Variants in HOMER3 observed in about 807,000 individuals in gnomAD.
HOMER3 encodes the protein homer protein homolog 3.
In HOMER3, 34 loss-of-function variants were observed where a neutral mutation model predicts 45.5. That is an observed-to-expected ratio of 0.75 (90% confidence interval 0.57 to 1.00). The LOEUF (loss-of-function observed/expected upper bound fraction) is 1.00. Among genes scored for constraint, HOMER3 ranks in the 50% least tolerant of loss-of-function variants. The pLI is 0.00. For synonymous variants in HOMER3, 223 were observed against 208.8 expected (o/e 1.07, Z -0.58); for missense variants, 480 against 497.5 (o/e 0.96, Z 0.33).
At position 18,941,106 on chromosome 19, in the gene HOMER3, G is replaced by A. The variant is rs892697944; in HGVS notation, c.-123C>T. 6.6e-6 allele frequency: 1 copy of A among 150,470 alleles called. No individual in the cohort carries two copies. The highest frequency in any genetic ancestry group is 1.5e-5 in the Non-Finnish European group (1 of 67,324). The allele number at this position is 150,470 out of a possible 1,614,324, so 9.3% of individuals were successfully genotyped here. ...GGCGCGAGTCGGGTGCGGCCCCCGC[G>A]GCGCTGACTCCGCGCTGCCGGGCGC... On this transcript the variant is annotated 5_prime_UTR_variant, in exon 1 of 10. Transcript: ENST00000392351.
chr19:18,936,232 G>A (rs2057090727), intron 4 of HOMER3, among the ~76,000 whole-genome samples: 1 of 150,786 alleles, frequency 6.6e-6, no homozygotes, highest in Non-Finnish European at 1.5e-5. Context: ...AGAATTGCTT[G>A]AACCGGGGAG....
At chr19:18,935,584 T>C (rs952872766) in intron 4 of HOMER3, among the ~76,000 whole-genome samples, 4 of 152,222 alleles carry the variant, frequency 2.6e-5, no homozygotes, top group African/African-American at 9.6e-5. Context: ...AGTAATCATC[T>C]CATTCTTGTT....
At chr19:18,937,343 GA>G (rs946110211) in intron 4 of HOMER3, among the ~76,000 whole-genome samples, 28 of 129,354 alleles carry the variant, frequency 2.2e-4, no homozygotes, top group Middle Eastern at 4.0e-3. Context: ...GGGAGGGAGG[GA>G]AAAAAAAAGA....
intron 7 of HOMER3, 90 bp downstream of exon 7, chr19:18,931,886 T>G: frequency 7.0e-7 from 1 of 1,437,322 alleles, no homozygotes; most frequent in Non-Finnish European, 9.1e-7. Flanking sequence ...AGCTAGTCCA[T>G]GAACCCAGGG....
intron 4 of HOMER3, among the ~76,000 whole-genome samples, chr19:18,937,044 G>C (rs2057100939): frequency 6.6e-6 from 1 of 150,412 alleles, no homozygotes; most frequent in African/African-American, 2.5e-5. Flanking sequence ...AGTGGCTCAA[G>C]CCTGTAATCC....
chr19:18,932,265 G>A, intron 6 of HOMER3, 133 bp from the exon 7 acceptor site: 3 of 943,358 alleles, frequency 3.2e-6, no homozygotes, highest in South Asian at 3.9e-5. Context: ...GCGAGGGTGC[G>A]GAGTCGTGCG....
chr19:18,932,007 T>G lies in HOMER3; in HGVS notation c.659A>C (p.Gln220Pro). Residue 220 changes from glutamine (Q) to proline (P), a missense_variant, in exon 7 of 10, where the codon CAG becomes CCG. Coordinates refer to ENST00000392351, the MANE Select transcript of HOMER3 (RefSeq NM_004838.4). ...AAQWRQQLEA[Q>P]RAEAERLRQR... is the part of the protein sequence containing the mutation. ...CCGCAGCCGCTCGGCCTCTGCACGCTGAGCCTCCAGCTGCTGCCTCCACTG... is the reference window on the plus strand; with the variant it reads ...CCGCAGCCGCTCGGCCTCTGCACGCGGAGCCTCCAGCTGCTGCCTCCACTG... The G allele has an allele frequency of 6.5e-7, 1 of 1,546,596 alleles. No homozygotes were observed. The highest frequency in any genetic ancestry group is 8.7e-7 in the Non-Finnish European group (1 of 1,146,106).
At chr19:18,938,594 T>C (rs2057119781) in intron 3 of HOMER3, 110 bp from the exon 4 acceptor site, 1 of 1,506,178 alleles carries the variant, frequency 6.6e-7, no homozygotes, top group Non-Finnish European at 9.1e-7. Flanking sequence ...TCTGAACCCT[T>C]TCAGGAGATA....
At chr19:18,931,004 T>C (rs1358629599) in intron 9 of HOMER3, among the ~76,000 whole-genome samples, 1 of 151,882 alleles carries the variant, frequency 6.6e-6, no homozygotes, top group Non-Finnish European at 1.5e-5. Flanking sequence ...CGAGACTCCA[T>C]CTCAAAGAAT....
chr19:18,938,319 C>A, intron 4 of HOMER3, 34 bp downstream of exon 4: 1 of 1,585,252 alleles, frequency 6.3e-7, no homozygotes, highest in South Asian at 1.1e-5. Flanking sequence ...CCAGTCTCAT[C>A]GGTTCCCTCC....
In HOMER3 at chr19:18,931,393, T is replaced by C; in HGVS notation, c.826A>G (p.Ser276Gly). The change falls in exon 9 of 10, where the codon AGT becomes GGT. Residue 276 changes from serine (S) to glycine (G), a missense_variant. Ser to Gly is a moderately conservative substitution (Grantham distance 56). Transcript: ENST00000392351. The part of the protein sequence containing the change: ...TKDQEIQTLK[S>G]QTGGPREALE... ...GCCTCGCGGGGCCCCCCAGTCTGAC[T>C]CTTCAGGGTCTGAATCTCCTAGAGG... 6.2e-7 allele frequency: 1 copy of C among 1,614,162 alleles called. No individual in the cohort carries two copies. Among genetic ancestry groups the C allele is most frequent in the Non-Finnish European group, 8.5e-7 (1 of 1,180,004 alleles).
At chr19:18,940,111 C>G (rs1056905333) in intron 1 of HOMER3, 1 of 152,522 alleles carries the variant, frequency 6.6e-6, no homozygotes, top group Non-Finnish European at 1.5e-5. Context: ...GGGGGGATGC[C>G]CCCCCTATCC....
intron 9 of HOMER3, 88 bp downstream of exon 9, chr19:18,931,237 C>CT: frequency 1.6e-6 from 2 of 1,213,176 alleles, no homozygotes; most frequent in Non-Finnish European, 2.4e-6. Flanking sequence ...CCTCCCAATA[C>CT]TTTATCATCT....
At position 18,938,428 on chromosome 19, in the gene HOMER3, C is replaced by T; in HGVS notation, c.228G>A (p.Lys76=). ...CGCGACTGTCGGCCCACTGCCCGAA[C>T]TTCTGGGAAGTTTTGGTGAAGGTCA... is the stretch of plus-strand genomic sequence containing the variant. The part of the protein sequence containing the change: ...PNMTFTKTSQ[K]FGQWADSRAN... The change falls in exon 4 of 10, where the codon AAG becomes AAA. Residue 76 remains lysine (K), a synonymous_variant. Coordinates refer to ENST00000392351, the MANE Select transcript of HOMER3 (RefSeq NM_004838.4). 1 of 1,614,174 alleles carries T rather than the reference C, an allele frequency of 6.2e-7. No individual in the cohort carries two copies. Among genetic ancestry groups the T allele is most frequent in the Admixed American group, 1.7e-5 (1 of 60,018 alleles).
In HOMER3 at chr19:18,929,529, G is replaced by T; in HGVS notation, c.1000C>A (p.Arg334=). The stretch of plus-strand genomic sequence containing the variant: ...CTGACGTCCAGCAGCTGCGCTGCCC[G>T]GCCCACCTCAGCCCGCGCCCGCTCC... ...ERERARAEVG[R]AAQLLDVSLF... The change falls in exon 10 of 10, where the codon CGG becomes AGG. Residue 334 remains arginine, a synonymous_variant. Coordinates refer to ENST00000392351, the MANE Select transcript of HOMER3 (RefSeq NM_004838.4). 6.4e-7 allele frequency: 1 copy of T among 1,569,842 alleles called. No homozygotes were observed. The highest frequency in any genetic ancestry group is 8.6e-7 in the Non-Finnish European group (1 of 1,159,814).
intron 1 of HOMER3, chr19:18,940,491 A>G (rs960468992): frequency 6.6e-6 from 1 of 152,240 alleles, no homozygotes; most frequent in Admixed American, 6.5e-5. Context: ...TCCCCACCCG[A>G]GGCAGGACAC....
intron 7 of HOMER3, 126 bp from the exon 8 acceptor site, chr19:18,931,751 G>A: frequency 6.7e-7 from 1 of 1,489,824 alleles, no homozygotes; most frequent in Non-Finnish European, 8.9e-7. Context: ...CTTGGTTGGT[G>A]CCACCACCCC....
chr19:18,931,650 T>C (rs2057033999), intron 7 of HOMER3, 25 bp from the exon 8 acceptor site: 1 of 1,573,054 alleles, frequency 6.4e-7, no homozygotes, highest in Non-Finnish European at 8.6e-7. Context: ...TAGCAGCCCC[T>C]GACGCCCCCG....
In HOMER3 at chr19:18,932,907, C is replaced by CCCAA; in HGVS notation, c.533+16_533+17insTTGG. 1 of 1,377,476 alleles carries CCCAA rather than the reference C, an allele frequency of 7.3e-7. No individual in the cohort carries two copies. Among genetic ancestry groups the CCCAA allele is most frequent in the Non-Finnish European group, 9.4e-7 (1 of 1,059,362 alleles). The allele number at this position is 1,377,476 out of a possible 1,614,324, so 85.3% of individuals were successfully genotyped here. On this transcript the variant is annotated intron_variant, in intron 6 of 9. Transcript: ENST00000392351. ...CCTACCCCCGCCCCTGCCACGCCCC[C>CCCAA]AAGTCCCGCCCCTCACCCCTCAGAC...
Sources: gnomAD v4.1 joint callset for allele counts (sites outside exome capture counted in the v4.1 genomes callset) on GRCh38, gnomAD v4.1.1 for gene constraint, MANE v1.5 for transcripts, NCBI Gene and HGNC (gene_info 2026-07-23, HGNC 2026-07-21) for gene names.